The following KLHL13 variants were observed in gnomAD, a reference collection of about 807,000 sequenced individuals.
The protein encoded by KLHL13 is kelch-like protein 13.
In KLHL13, 10 loss-of-function variants were observed where a neutral mutation model predicts 37.1. The ratio of observed to expected loss-of-function variants is 0.27; its 90% CI spans 0.17 to 0.46. The LOEUF is 0.46. Among genes scored for constraint, KLHL13 ranks in the 20% least tolerant of loss-of-function variants. The pLI, the probability that KLHL13 is intolerant of heterozygous loss-of-function variation, is 1.00. For missense variants in KLHL13, 360 were observed against 509.3 expected (o/e 0.71, Z 2.82); for synonymous variants, 163 against 181.2 (o/e 0.90, Z 0.81).
intron 1 of KLHL13, among the ~76,000 whole-genome samples, chrX:118,053,120 C>T (rs1360016953): frequency 9.0e-6 from 1 of 111,447 alleles, no homozygotes; most frequent in Non-Finnish European, 1.9e-5. Context: ...TACCATTTGA[C>T]CCAGCCATCC....
At chrX:117,975,200 A>C (rs2053582986), upstream of KLHL13, among the ~76,000 whole-genome samples, 1 of 110,955 alleles carries the variant, frequency 9.0e-6, no homozygotes. Context: ...ACACACACAC[A>C]CAGCCACACA....
At chrX:118,085,584 C>A (rs1408541178) in intron 1 of KLHL13, among the ~76,000 whole-genome samples, 1 of 110,178 alleles carries the variant, frequency 9.1e-6, no homozygotes, top group African/African-American at 3.3e-5. Flanking sequence ...TCATTCTCCT[C>A]CCAATCTCCC....
At chrX:117,959,833 G>A (rs777562886) in intron 1 of KLHL13, among the ~76,000 whole-genome samples, 1 of 111,559 alleles carries the variant, frequency 9.0e-6, no homozygotes, top group Non-Finnish European at 1.9e-5. Flanking sequence ...ATGTTACAGG[G>A]CAACTTGTAA....
At chrX:117,905,483 G>A (rs72605301) in intron 5 of KLHL13, among the ~76,000 whole-genome samples, 17,537 of 106,405 alleles carry the variant, frequency 0.16, 1,332 homozygotes, top group East Asian at 0.32. Context: ...ACTAAACCAG[G>A]TGAGCACGTG....
intron 1 of KLHL13, among the ~76,000 whole-genome samples, chrX:118,047,640 G>A (rs1424261465): frequency 9.0e-6 from 1 of 111,688 alleles, no homozygotes; most frequent in African/African-American, 3.2e-5. Flanking sequence ...ATAGAAACAG[G>A]AAACAAATAA....
intron 1 of KLHL13, among the ~76,000 whole-genome samples, chrX:118,085,800 T>G (rs943663129): frequency 1.5e-5 from 1 of 68,912 alleles, no homozygotes; most frequent in East Asian, 3.3e-4. Flanking sequence ...TTCCATGGTG[T>G]GTGTGTGTGT....
chrX:118,070,853 C>T (rs970681813), intron 1 of KLHL13, among the ~76,000 whole-genome samples: 15 of 109,083 alleles, frequency 1.4e-4, no homozygotes, highest in Admixed American at 4.9e-4. Context: ...TGCACTGCAC[C>T]CACTAGCTCG....
At chrX:118,097,428 G>A (rs1200601895) in intron 1 of KLHL13, among the ~76,000 whole-genome samples, 1 of 111,442 alleles carries the variant, frequency 9.0e-6, no homozygotes, top group Non-Finnish European at 1.9e-5. Flanking sequence ...GCAAATAAAA[G>A]AGGATACAAA....
At chrX:117,901,655 C>A (rs963237986) in intron 6 of KLHL13, among the ~76,000 whole-genome samples, 178 bp downstream of exon 7, 14 of 109,254 alleles carry the variant, frequency 1.3e-4, no homozygotes, top group Non-Finnish European at 2.5e-4. Flanking sequence ...CAGACGTGCA[C>A]CACCACACCC....
intron 4 of KLHL13, among the ~76,000 whole-genome samples, chrX:117,911,560 C>T (rs750900011): frequency 8.9e-6 from 1 of 111,769 alleles, no homozygotes; most frequent in South Asian, 3.8e-4. Flanking sequence ...GCCTCCCAGC[C>T]TCCAACAGGC....
intron 1 of KLHL13, among the ~76,000 whole-genome samples, chrX:118,000,774 TCTCA>T (rs1226699502): frequency 8.9e-6 from 1 of 111,754 alleles, no homozygotes; most frequent in African/African-American, 3.3e-5. Flanking sequence ...AGGCTTTTTC[TCTCA>T]CTTAGTATAA....
exon 5 of KLHL13, chrX:117,909,668 A>G: frequency 1.7e-6 from 2 of 1,211,643 alleles, no homozygotes; most frequent in South Asian, 3.5e-5. Flanking sequence ...ACCTAATGGC[A>G]GTCCTGTCTG....
intron 1 of KLHL13, among the ~76,000 whole-genome samples, chrX:118,008,167 C>A (rs1470536717): frequency 9.0e-6 from 1 of 111,569 alleles, no homozygotes; most frequent in Non-Finnish European, 1.9e-5. Flanking sequence ...GTTCAGGAGC[C>A]TTTGAAAATT....
At chrX:117,901,934 C>T in exon 6 of KLHL13, 2 of 1,108,694 alleles carry the variant, frequency 1.8e-6, no homozygotes, top group Non-Finnish European at 2.5e-6. Context: ...TGGATTGTAA[C>T]ATTCTACTGT....
intron 1 of KLHL13, among the ~76,000 whole-genome samples, chrX:118,107,321 T>G (rs781667217): frequency 2.5e-3 from 278 of 111,856 alleles, no homozygotes; most frequent in Non-Finnish European, 4.2e-3. Flanking sequence ...CACCATAAAC[T>G]TTCTTGTCTG....
At chrX:117,994,775 T>C (rs2053835719) in intron 1 of KLHL13, among the ~76,000 whole-genome samples, 1 of 112,480 alleles carries the variant, frequency 8.9e-6, no homozygotes, top group South Asian at 3.7e-4. Context: ...GTCTAATATG[T>C]TCTCACTAAA....
intron 1 of KLHL13, among the ~76,000 whole-genome samples, chrX:117,956,517 G>A (rs1044892155): frequency 4.5e-5 from 5 of 112,054 alleles, no homozygotes; most frequent in South Asian, 3.7e-4. Flanking sequence ...TAACTGGAGC[G>A]TTTTCAGATT....
At chrX:118,008,998 G>C (rs1404014324) in intron 1 of KLHL13, among the ~76,000 whole-genome samples, 1 of 111,970 alleles carries the variant, frequency 8.9e-6, no homozygotes, top group African/African-American at 3.2e-5. Flanking sequence ...ACTACTATGA[G>C]TACTGGGACT....
chrX:118,041,121 G>A (rs1346970343), intron 1 of KLHL13, among the ~76,000 whole-genome samples: 1 of 112,480 alleles, frequency 8.9e-6, no homozygotes, highest in African/African-American at 3.2e-5. Flanking sequence ...AAAATCTTCA[G>A]AAGGTACAAA....
Sources: allele counts gnomAD v4.1 joint callset (sites outside exome capture counted in the v4.1 genomes callset), GRCh38; gene constraint gnomAD v4.1.1; transcripts MANE v1.5; gene names NCBI Gene and HGNC (gene_info 2026-07-23, HGNC 2026-07-21).